RBM23: variants seen among roughly 807,000 people sequenced by gnomAD.
RBM23 encodes the protein RNA binding motif protein 23.
RBM23 carries 53 observed loss-of-function variants against 56.2 expected under a neutral mutation model. That is an observed-to-expected ratio of 0.94 (90% CI 0.76 to 1.19). The LOEUF (loss-of-function observed/expected upper bound fraction) is 1.19. Among genes scored for constraint, RBM23 ranks in the 50% most tolerant of loss-of-function variants. RBM23 has a pLI of 0.00. For missense variants in RBM23, 642 were observed against 590.3 expected (o/e 1.09, Z -0.91); for synonymous variants, 197 against 198.5 (o/e 0.99, Z 0.06).
intron 1 of RBM23, among the ~76,000 whole-genome samples, chr14:22,918,376 A>C (rs34344888): frequency 6.6e-6 from 1 of 151,508 alleles, no homozygotes; most frequent in Non-Finnish European, 1.5e-5. Context: ...CTGGGTGACA[A>C]AGCGACACTC....
At chr14:22,909,133 G>C (rs1420709349) in intron 3 of RBM23, among the ~76,000 whole-genome samples, 1 of 152,032 alleles carries the variant, frequency 6.6e-6, no homozygotes. Context: ...AGTAGAGACG[G>C]GGTTTCACCA....
At chr14:22,911,517 TTC>T in intron 1 of RBM23, 114 bp from the exon 2 acceptor site, 1 of 828,328 alleles carries the variant, frequency 1.2e-6, no homozygotes, top group Non-Finnish European at 1.9e-6. Context: ...CAGATTTCAG[TTC>T]TGTTTCTTGA....
In RBM23 at chr14:22,905,118, C is replaced by T. The variant is rs764634166; in HGVS notation, c.702G>A (p.Val234=). The T allele has an allele frequency of 2.5e-6, 4 of 1,614,162 alleles. No individual in the cohort carries two copies. Among genetic ancestry groups the T allele is most frequent in the Non-Finnish European group, 3.4e-6 (4 of 1,180,014 alleles). The change falls in exon 8 of 14, where the codon GTG becomes GTA. Residue 234 remains valine, a synonymous_variant. Transcript: ENST00000359890. Reference sequence around the variant, plus strand: ...CCTGTGAAGCCTGTACAATGATAGGCACTCCCAGCAACCGCTGCCCAGTCA... The same window carrying T: ...CCTGTGAAGCCTGTACAATGATAGGTACTCCCAGCAACCGCTGCCCAGTCA... ...IGLTGQRLLG[V]PIIVQASQAE... is the part of the protein sequence containing the mutation.
chr14:22,901,381 AGT>A lies in RBM23; in HGVS notation c.*347_*348del, dbSNP rs2040467839. ...GAAAAGGAGAGAGGTCAGTTCCTTCAGTATGCCCTATGGCCTTCCCAATGGGG... is the reference window on the plus strand; with the variant it reads ...GAAAAGGAGAGAGGTCAGTTCCTTCAATGCCCTATGGCCTTCCCAATGGGG... On this transcript the variant is annotated 3_prime_UTR_variant, in exon 14 of 14. Coordinates refer to ENST00000359890, the MANE Select transcript of RBM23 (RefSeq NM_001077351.2). 1.8e-5 allele frequency: 3 copies of A among 163,280 alleles called. No homozygotes were observed. The African/African-American group carries it at 1.9e-4, about 10-fold the overall frequency. 10.1% of individuals were successfully genotyped at this position (163,280 alleles called of 1,614,324 possible). A position where few individuals can be genotyped will look rare whatever the true frequency, so the allele number is the denominator to read the frequency against.
At position 22,911,397 on chromosome 14, in the gene RBM23, G is replaced by A. The variant is rs371873909; in HGVS notation, c.-4C>T. On this transcript the variant is annotated 5_prime_UTR_variant, in exon 2 of 14. Coordinates refer to ENST00000359890, the MANE Select transcript of RBM23 (RefSeq NM_001077351.2). Reference sequence around the variant, plus strand: ...TGTCAAAGTCATCAGATGCCATCCTGTCAGATCTGGGGAGAGGATATTAAT... The same window carrying A: ...TGTCAAAGTCATCAGATGCCATCCTATCAGATCTGGGGAGAGGATATTAAT... 4 of 1,612,118 alleles carry A rather than the reference G, an allele frequency of 2.5e-6. No individual in the cohort carries two copies. The highest frequency in any genetic ancestry group is 2.7e-5 in the African/African-American group (2 of 74,980).
intron 1 of RBM23, among the ~76,000 whole-genome samples, chr14:22,913,340 G>A (rs540502294): frequency 2.0e-4 from 30 of 151,226 alleles, no homozygotes; most frequent in African/African-American, 6.8e-4. Context: ...CATGAAGCTG[G>A]GAGGCAGAGC....
intron 4 of RBM23, among the ~76,000 whole-genome samples, chr14:22,907,533 T>C (rs937974039): frequency 6.6e-6 from 1 of 152,232 alleles, no homozygotes; most frequent in Non-Finnish European, 1.5e-5. Context: ...ACAAATTATA[T>C]GTATTAAATT....
chr14:22,902,208 G>C lies in RBM23; in HGVS notation c.1105C>G (p.Leu369Val), dbSNP rs776476308. 1 of 1,614,086 alleles carries C rather than the reference G, an allele frequency of 6.2e-7. No homozygotes were observed. The highest frequency in any genetic ancestry group is 8.5e-7 in the Non-Finnish European group (1 of 1,179,938). ...DLGSAGGRFQ[L>V]MAKLAEGAGI... ...TTACCTTCTGCCAGTTTTGCCATGA[G>C]CTGAAAACGTCCACCTGCTGATCCC... Residue 369 changes from leucine (L) to valine (V), a missense_variant, in exon 11 of 14, where the codon CTC (leucine) becomes GTC (valine). By Grantham distance (32) the Leu-to-Val change is conservative. Coordinates refer to ENST00000359890, the MANE Select transcript of RBM23 (RefSeq NM_001077351.2).
chr14:22,903,424 C>A (rs974010648), intron 10 of RBM23: 1 of 985,334 alleles, frequency 1.0e-6, no homozygotes, highest in Non-Finnish European at 1.2e-6. Flanking sequence ...CTTGCCACCA[C>A]AGAATTGTCA....
At position 22,902,237 on chromosome 14, in the gene RBM23, T is replaced by C; in HGVS notation, c.1076A>G (p.Asp359Gly). Reference protein sequence around the residue: ...ITFPDGDQELDLGSAGGRFQL... With the variant: ...ITFPDGDQELGLGSAGGRFQL... ...AAAACGTCCACCTGCTGATCCCAGA[T>C]CCAGCTCCTGGTCCCCATCAGGAAA... The change falls in exon 11 of 14, where the codon GAT becomes GGT. Residue 359 changes from aspartate to glycine, a missense_variant. By Grantham distance (94) the Asp-to-Gly change is moderately conservative (BLOSUM62 -1). Transcript: ENST00000359890. 6.2e-7 allele frequency: 1 copy of C among 1,614,192 alleles called. No individual in the cohort carries two copies. The highest frequency in any genetic ancestry group is 1.7e-5 in the Admixed American group (1 of 60,022).
chr14:22,903,298 T>C, intron 10 of RBM23: 1 of 985,282 alleles, frequency 1.0e-6, no homozygotes, highest in African/African-American at 1.7e-5. Context: ...AGTCTGCTGT[T>C]TGTTTAAGTG....
rs960982037 is a variant in RBM23 at position 22,893,275 on chromosome 14, A to G, written c.*8455T>C. ...CATCAATCTAAGTAAATTTTCCTGG[A>G]CATTTTAATCTTTCATCCACAAATG... On this transcript the variant is annotated 3_prime_UTR_variant, in exon 14 of 14. Coordinates refer to ENST00000359890, the MANE Select transcript of RBM23 (RefSeq NM_001077351.2). 1 of 152,250 alleles carries G rather than the reference A, an allele frequency of 6.6e-6. No individual in the cohort carries two copies. Among genetic ancestry groups the G allele is most frequent in the Non-Finnish European group, 1.5e-5 (1 of 68,044 alleles). The allele number at this position is 152,250 out of a possible 1,614,324, so 9.4% of individuals were successfully genotyped here.
rs1388608681 is a variant in RBM23, at chr14:22,898,740, A to C, written c.*2990T>G. 6.6e-6 allele frequency: 1 copy of C among 151,902 alleles called. No homozygotes were observed. The highest frequency in any genetic ancestry group is 2.4e-5 in the African/African-American group (1 of 41,342). The allele number at this position is 151,902 out of a possible 1,614,324, so 9.4% of individuals were successfully genotyped here. On this transcript the variant is annotated 3_prime_UTR_variant, in exon 14 of 14. Transcript: ENST00000359890. ...GGCCAAGGTAGCTAGGGATGGAAAC[A>C]TAAGGAAACCAAGCAGAGGAAGGCA...
chr14:22,918,893 C>G (rs959884248), intron 1 of RBM23, 106 bp downstream of exon 1: 2 of 152,164 alleles, frequency 1.3e-5, no homozygotes, highest in African/African-American at 4.8e-5. Context: ...TCGCCTGAAT[C>G]TCTTCGTGAC....
Position 22,906,364 on chromosome 14 carries a change from T to TACGACTACAGAGGGAA in RBM23, c.228-12_231dup (p.Ser78PhefsTer4). The stretch of plus-strand genomic sequence containing the variant: ...CGTCTATACCGATCCCGATCTCGAC[T>TACGACTACAGAGGGAA]ACGACTACAGAGGGAAACAACTACA... On this transcript the variant is annotated stop_gained and frameshift_variant, in exon 5 of 14. Coordinates refer to ENST00000359890, the MANE Select transcript of RBM23 (RefSeq NM_001077351.2). LOFTEE classifies it high-confidence loss of function. 1 of 1,613,736 alleles carries TACGACTACAGAGGGAA rather than the reference T, an allele frequency of 6.2e-7. No homozygotes were observed. Among genetic ancestry groups the TACGACTACAGAGGGAA allele is most frequent in the Non-Finnish European group, 8.5e-7 (1 of 1,179,990 alleles).
intron 4 of RBM23, among the ~76,000 whole-genome samples, chr14:22,907,103 G>A (rs568596365): frequency 6.6e-6 from 1 of 152,284 alleles, no homozygotes; most frequent in South Asian, 2.1e-4. Flanking sequence ...AAACCTGGGA[G>A]GCGGAGGTTG....
At chr14:22,902,536 C>G (rs923996757) in intron 10 of RBM23, 154 bp from the exon 11 acceptor site, 27 of 1,360,600 alleles carry the variant, frequency 2.0e-5, no homozygotes, top group Admixed American at 9.8e-5. Flanking sequence ...AGGCCCATCA[C>G]CTCAAAATGG....
chr14:22,909,478 C>G lies in RBM23; in HGVS notation c.179+5G>C. ...TGCCAACCCATTTCTTCCTCCCACA[C>G]TCACTTGCTTGTCTCCCCGATGGTG... On this transcript the variant is annotated splice_donor_5th_base_variant and intron_variant, in intron 3 of 13. Coordinates refer to ENST00000359890, the MANE Select transcript of RBM23 (RefSeq NM_001077351.2). 1 of 1,611,624 alleles carries G rather than the reference C, an allele frequency of 6.2e-7. No homozygotes were observed.
intron 1 of RBM23, among the ~76,000 whole-genome samples, chr14:22,916,403 T>C (rs1217677935): frequency 6.6e-6 from 1 of 151,268 alleles, no homozygotes; most frequent in Non-Finnish European, 1.5e-5. Flanking sequence ...ACCACAGGTG[T>C]GCACTATGAT....
Sources: gnomAD v4.1 joint callset for allele counts (sites outside exome capture counted in the v4.1 genomes callset) on GRCh38, gnomAD v4.1.1 for gene constraint, MANE v1.5 for transcripts, NCBI Gene and HGNC (gene_info 2026-07-23, HGNC 2026-07-21) for gene names.